The following SPOCK1 variants were observed in gnomAD, a reference collection of about 807,000 sequenced individuals.
The protein encoded by SPOCK1 is SPARC (osteonectin), cwcv and kazal like domains proteoglycan 1.
A neutral mutation model predicts 55.3 loss-of-function variants in SPOCK1; 23 were observed. That is an observed-to-expected ratio of 0.42 (90% confidence interval 0.30 to 0.59). The LOEUF (loss-of-function observed/expected upper bound fraction) is 0.59. SPOCK1 is among the 20% of genes least tolerant of loss of function. SPOCK1 has a pLI of 0.22. For missense variants in SPOCK1, 499 were observed against 552.5 expected, an observed-to-expected ratio of 0.90 and a Z score of 0.97; for synonymous variants, 226 against 221.0, an observed-to-expected ratio of 1.02 and a Z score of -0.20.
intron 3 of SPOCK1, among the ~76,000 whole-genome samples, chr5:137,166,851 C>T (rs1681459658): frequency 4.6e-5 from 7 of 151,780 alleles, no homozygotes. Flanking sequence ...ATTATATCAC[C>T]AGAGAAAATC....
chr5:137,209,406 A>T (rs1755571550), intron 3 of SPOCK1, among the ~76,000 whole-genome samples: 1 of 152,244 alleles, frequency 6.6e-6, no homozygotes. Flanking sequence ...GTAGATGTGG[A>T]GGTAGTTTGA....
intron 3 of SPOCK1, among the ~76,000 whole-genome samples, chr5:137,208,780 G>C (rs1755562297): frequency 6.6e-6 from 1 of 151,736 alleles, no homozygotes; most frequent in South Asian, 2.1e-4. Flanking sequence ...CTGGGTGATG[G>C]GATCAGGTGT....
At chr5:136,985,272 CTT>C (rs1192518679) in intron 8 of SPOCK1, 70 bp from the exon 9 acceptor site, 2 of 1,392,478 alleles carry the variant, frequency 1.4e-6, no homozygotes, top group Admixed American at 3.4e-5. Context: ...TGACTTCACT[CTT>C]GATGTGAAAT....
intron 8 of SPOCK1, among the ~76,000 whole-genome samples, chr5:136,986,750 A>T (rs920080194): frequency 6.6e-5 from 10 of 151,728 alleles, no homozygotes; most frequent in African/African-American, 2.4e-4. Context: ...AGGGAAGTAT[A>T]ATAATTGTTA....
intron 3 of SPOCK1, among the ~76,000 whole-genome samples, chr5:137,224,582 A>G (rs1029373723): frequency 1.3e-5 from 2 of 152,228 alleles, no homozygotes; most frequent in Non-Finnish European, 2.9e-5. Flanking sequence ...TTGAAAAAGC[A>G]TCACCGATCA....
intron 3 of SPOCK1, among the ~76,000 whole-genome samples, chr5:137,200,133 G>A (rs534910038): frequency 6.6e-6 from 1 of 152,198 alleles, no homozygotes; most frequent in South Asian, 2.1e-4. Flanking sequence ...ATTAGTCATG[G>A]CCCCATGGCT....
chr5:137,271,191 G>A (rs1257949638), intron 2 of SPOCK1, among the ~76,000 whole-genome samples: 14 of 151,728 alleles, frequency 9.2e-5, no homozygotes, highest in East Asian at 1.9e-4. Context: ...GATCAACAAA[G>A]ATAAAACTAT....
chr5:136,991,965 A>G (rs1238841050), intron 7 of SPOCK1, among the ~76,000 whole-genome samples: 2 of 152,180 alleles, frequency 1.3e-5, no homozygotes, highest in Admixed American at 6.5e-5. Flanking sequence ...CAGTCTGACT[A>G]TTGTACAAAA....
chr5:137,109,070 G>A (rs11742757), intron 5 of SPOCK1, among the ~76,000 whole-genome samples: 27,616 of 152,192 alleles, frequency 0.18, 2,838 homozygotes, highest in East Asian at 0.37. Flanking sequence ...CTGCGAATGA[G>A]TGGCAGAGGT....
intron 6 of SPOCK1, among the ~76,000 whole-genome samples, chr5:137,014,571 A>G (rs908276025): frequency 2.4e-4 from 37 of 152,198 alleles, no homozygotes; most frequent in Non-Finnish European, 5.0e-4. Context: ...TAAGCCTGCT[A>G]TGCCCAGATT....
rs565119882 is a variant in SPOCK1, at chr5:137,470,216, G to C, written c.186+28157C>G. On this transcript the variant is annotated intron_variant, in intron 2 of 10. Coordinates refer to ENST00000394945, the MANE Select transcript of SPOCK1 (RefSeq NM_004598.4). ...GGACGGATTTGTGAGTGCATCCTCAGCTAAACAATATGTTCCACAAGAGCA... is the reference window on the plus strand; with the variant it reads ...GGACGGATTTGTGAGTGCATCCTCACCTAAACAATATGTTCCACAAGAGCA... 1.3e-3 allele frequency among the ~76,000 whole-genome samples: 203 copies of C among 152,294 alleles called. 1 individual carries two copies. Among genetic ancestry groups the C allele is most frequent in the African/African-American group, 4.8e-3 (198 of 41,572 alleles).
At chr5:137,371,222 C>G (rs1751193712) in intron 2 of SPOCK1, among the ~76,000 whole-genome samples, 1 of 152,224 alleles carries the variant, frequency 6.6e-6, no homozygotes, top group Admixed American at 6.5e-5. Flanking sequence ...GACCTAGATT[C>G]AAGGCTCAGC....
intron 3 of SPOCK1, among the ~76,000 whole-genome samples, chr5:137,153,909 G>A (rs905555958): frequency 6.6e-6 from 1 of 151,604 alleles, no homozygotes; most frequent in East Asian, 1.9e-4. Flanking sequence ...AAAGAAGGCA[G>A]GGAGAGGAAA....
At chr5:137,066,714 C>G (rs1752510342) in intron 6 of SPOCK1, among the ~76,000 whole-genome samples, 1 of 152,142 alleles carries the variant, frequency 6.6e-6, no homozygotes, top group Non-Finnish European at 1.5e-5. Flanking sequence ...AGAATAATAA[C>G]TGGAGATTAT....
intron 2 of SPOCK1, among the ~76,000 whole-genome samples, chr5:137,274,745 T>C (rs1039346438): frequency 6.6e-6 from 1 of 152,242 alleles, no homozygotes; most frequent in African/African-American, 2.4e-5. Context: ...CTTAAATGCA[T>C]GTAGTTTTAT....
intron 2 of SPOCK1, among the ~76,000 whole-genome samples, chr5:137,348,542 A>G (rs1403981521): frequency 6.6e-6 from 1 of 152,064 alleles, no homozygotes; most frequent in East Asian, 1.9e-4. Context: ...AAAGATTTGC[A>G]TGTGCTTTTT....
chr5:137,188,169 C>G lies in SPOCK1; in HGVS notation c.233-47475G>C, dbSNP rs143723896. 1.0e-3 allele frequency among the ~76,000 whole-genome samples: 157 copies of G among 152,344 alleles called. 4 individuals carry two copies. The Middle Eastern group carries it at 0.014, about 13-fold the overall frequency. ...AGCTCTTACTATGCTATCCAAGATC[C>G]CACGTATGTGGCCCCATTCTTCCCT... On this transcript the variant is annotated intron_variant, in intron 3 of 10. Coordinates refer to ENST00000394945, the MANE Select transcript of SPOCK1 (RefSeq NM_004598.4).
chr5:137,183,718 G>T (rs192497869), intron 3 of SPOCK1, among the ~76,000 whole-genome samples: 1 of 152,330 alleles, frequency 6.6e-6, no homozygotes, highest in South Asian at 2.1e-4. Context: ...CTCTCGAAAG[G>T]CTAGCTGTGA....
intron 3 of SPOCK1, among the ~76,000 whole-genome samples, chr5:137,156,497 C>T (rs778733645): frequency 6.6e-6 from 1 of 152,154 alleles, no homozygotes; most frequent in Non-Finnish European, 1.5e-5. Context: ...AGTTTGACAA[C>T]CAATAATTCA....
Sources: gnomAD v4.1 joint callset for allele counts (sites outside exome capture counted in the v4.1 genomes callset) on GRCh38, gnomAD v4.1.1 for gene constraint, MANE v1.5 for transcripts, NCBI Gene and HGNC (gene_info 2026-07-23, HGNC 2026-07-21) for gene names.